CAMTA1: variants seen among roughly 807,000 people sequenced by gnomAD.
The protein encoded by CAMTA1 is calmodulin-binding transcription activator 1.
Under a neutral mutation model 170.9 loss-of-function variants are expected in CAMTA1, and 27 were observed. The observed-to-expected ratio is 0.16, with a 90% confidence interval of 0.12 to 0.22. The LOEUF is 0.22. Among genes scored for constraint, CAMTA1 ranks in the 10% least tolerant of loss-of-function variants. The probability of loss-of-function intolerance (pLI) is 1.00; values close to 1 mark genes in which losing one functional copy is unlikely to be tolerated. For missense variants in CAMTA1, 1,619 were observed against 2,217.2 expected (o/e 0.73, Z 5.42); for synonymous variants, 833 against 891.5 (o/e 0.93, Z 1.17).
chr1:6,842,371 C>T (rs914944324), intron 3 of CAMTA1, among the ~76,000 whole-genome samples: 2 of 152,208 alleles, frequency 1.3e-5, no homozygotes, highest in African/African-American at 2.4e-5. Context: ...CCAGTCAGTG[C>T]TCCTCCTTCA....
intron 7 of CAMTA1, among the ~76,000 whole-genome samples, chr1:7,652,525 G>A (rs2095854471): frequency 6.6e-6 from 1 of 152,296 alleles, no homozygotes; most frequent in South Asian, 2.1e-4. Context: ...CAGCCAGCAA[G>A]GCCTGGCCCC....
rs984702474 is a variant in CAMTA1, at chr1:7,216,604, G to A, written c.303-32887G>A. Among the ~76,000 whole-genome samples the A allele has an allele frequency of 2.0e-5, 3 of 152,136 alleles. No homozygotes were observed. The highest frequency in any genetic ancestry group is 7.2e-5 in the African/African-American group (3 of 41,418). On this transcript the variant is annotated intron_variant, in intron 4 of 22. Transcript: ENST00000303635. This position sits in a 1 kb window ranked among gnomAD's most constrained non-coding sequence, Gnocchi z 4.0. ...CGGCTCACTGCAATCCCCGCTTCCT[G>A]GGTTCAAGCAATCCTTGTGCCTCAG...
intron 5 of CAMTA1, among the ~76,000 whole-genome samples, chr1:7,350,489 G>A (rs2084581224): frequency 6.6e-6 from 1 of 152,210 alleles, no homozygotes; most frequent in African/African-American, 2.4e-5. Context: ...GTGGAAAAGT[G>A]TAGCCTCTCC....
intron 6 of CAMTA1, among the ~76,000 whole-genome samples, chr1:7,612,204 A>T (rs2095528571): frequency 6.6e-6 from 1 of 152,128 alleles, no homozygotes; most frequent in African/African-American, 2.4e-5. Context: ...GACTTGAAGG[A>T]TGGTGAATGT....
intron 6 of CAMTA1, among the ~76,000 whole-genome samples, chr1:7,564,989 G>A (rs893460050): frequency 1.3e-5 from 2 of 151,952 alleles, no homozygotes; most frequent in African/African-American, 4.8e-5. Context: ...AGAGGGATGA[G>A]GAAGACAGGG....
chr1:7,599,966 T>C (rs918545375), intron 6 of CAMTA1, among the ~76,000 whole-genome samples: 1 of 152,188 alleles, frequency 6.6e-6, no homozygotes, highest in Non-Finnish European at 1.5e-5. Flanking sequence ...GGCCAGAACT[T>C]CCAACGCTGT....
chr1:7,376,375 A>C (rs868200100), intron 5 of CAMTA1, among the ~76,000 whole-genome samples: 1 of 152,220 alleles, frequency 6.6e-6, no homozygotes, highest in Admixed American at 6.5e-5. Context: ...AAAGGAAGCT[A>C]GTTAGCTCCA....
intron 5 of CAMTA1, among the ~76,000 whole-genome samples, chr1:7,275,178 T>C (rs892249841): frequency 7.0e-6 from 1 of 143,650 alleles, no homozygotes; most frequent in Non-Finnish European, 1.5e-5. Context: ...AAAGAAAATA[T>C]TTTGAAATGA....
chr1:7,385,664 C>T (rs943383146), intron 5 of CAMTA1, among the ~76,000 whole-genome samples: 3 of 152,154 alleles, frequency 2.0e-5, no homozygotes, highest in East Asian at 1.9e-4. Flanking sequence ...AGGCCAGCCC[C>T]GAGGCCTGTT....
chr1:7,759,588 A>C (rs1320590333), intron 22 of CAMTA1, among the ~76,000 whole-genome samples: 2 of 152,212 alleles, frequency 1.3e-5, no homozygotes, highest in African/African-American at 2.4e-5. Flanking sequence ...TTCTACACAA[A>C]GAGATTATTT....
intron 4 of CAMTA1, among the ~76,000 whole-genome samples, chr1:7,192,349 G>T (rs1426307226): frequency 6.6e-6 from 1 of 152,232 alleles, no homozygotes; most frequent in Non-Finnish European, 1.5e-5. Flanking sequence ...CTTTGGTTGG[G>T]ATAGCACCAC....
chr1:6,944,692 T>G (rs1687286850), intron 3 of CAMTA1, among the ~76,000 whole-genome samples: 1 of 152,234 alleles, frequency 6.6e-6, no homozygotes, highest in African/African-American at 2.4e-5. Context: ...AGCCCCTACC[T>G]GTTTCTCTCG....
intron 6 of CAMTA1, among the ~76,000 whole-genome samples, chr1:7,528,005 C>A (rs187530515): frequency 6.6e-6 from 1 of 152,254 alleles, no homozygotes; most frequent in East Asian, 1.9e-4. Flanking sequence ...CCACTAGAGA[C>A]GGAGCCCTGG....
intron 3 of CAMTA1, among the ~76,000 whole-genome samples, chr1:6,871,327 C>A (rs186789665): frequency 1.3e-4 from 20 of 152,214 alleles, no homozygotes; most frequent in African/African-American, 4.6e-4. Context: ...CATTGTTATA[C>A]TAAATGTTCC....
chr1:7,516,822 T>C (rs943815575), intron 6 of CAMTA1, among the ~76,000 whole-genome samples: 4 of 152,198 alleles, frequency 2.6e-5, no homozygotes, highest in Admixed American at 2.6e-4. Flanking sequence ...GGAAGCCCTG[T>C]CTGCCAGCAA....
chr1:7,028,125 G>A (rs542673451), intron 3 of CAMTA1, among the ~76,000 whole-genome samples: 3 of 151,922 alleles, frequency 2.0e-5, no homozygotes, highest in African/African-American at 7.3e-5. Flanking sequence ...GGCTGGTCTC[G>A]AACTCCTGAA....
rs150802407 is a variant in CAMTA1 at position 6,988,880 on chromosome 1, T to G, written c.235-102424T>G. On this transcript the variant is annotated intron_variant, in intron 3 of 22. Coordinates refer to ENST00000303635, the MANE Select transcript of CAMTA1 (RefSeq NM_015215.4). ...CAGTCTGGCTGGCTGCCCGAGGGAC[T>G]GGGGAGACCTGCTCTTTGTAGCACT... Among the ~76,000 whole-genome samples the G allele has an allele frequency of 5.2e-3, 787 of 152,318 alleles. 6 individuals are homozygous for G. The highest frequency in any genetic ancestry group is 0.018 in the African/African-American group (740 of 41,572).
At chr1:7,507,926 C>T (rs958901884) in intron 6 of CAMTA1, among the ~76,000 whole-genome samples, 4 of 152,234 alleles carry the variant, frequency 2.6e-5, no homozygotes. Context: ...GTCTGTTGAC[C>T]GAATGCTGGT....
intron 3 of CAMTA1, among the ~76,000 whole-genome samples, chr1:6,991,721 C>A (rs374807360): frequency 4.6e-5 from 7 of 152,162 alleles, no homozygotes; most frequent in African/African-American, 1.7e-4. Context: ...TATTTTGAGA[C>A]AGAGTCTTGC....
Sources: allele counts gnomAD v4.1 joint callset (sites outside exome capture counted in the v4.1 genomes callset), GRCh38; gene constraint gnomAD v4.1.1; non-coding constraint Gnocchi (gnomAD v3.1); transcripts MANE v1.5; gene names NCBI Gene and HGNC (gene_info 2026-07-23, HGNC 2026-07-21).